The following RPA3 variants were observed in gnomAD, a reference collection of about 807,000 sequenced individuals.
RPA3 encodes the protein replication protein A3, also known as replication protein A 14 kDa subunit.
In RPA3, 24 loss-of-function variants were observed where a neutral mutation model predicts 13.7. The ratio of observed to expected loss-of-function variants is 1.75; its 90% confidence interval spans 1.27 to 2.46. The LOEUF (loss-of-function observed/expected upper bound fraction) is 2.46. Among genes scored for constraint, RPA3 ranks in the 30% most tolerant of loss-of-function variants. RPA3 has a pLI of 0.00. For missense variants in RPA3, 183 were observed against 151.0 expected (o/e 1.21, Z -1.11); for synonymous variants, 59 against 51.2 (o/e 1.15, Z -0.65).
Position 7,671,963 on chromosome 7 carries a change from A to G in RPA3, c.-758+13867T>C, listed in dbSNP as rs539806654. On this transcript the variant is annotated intron_variant, in intron 4 of 7. Transcript: ENST00000223129. ...TTTTTAAAAGTGAAATCTGCCAGATATGTTTTCTAGCAACCAATAGATTCC... is the reference window on the plus strand; with the variant it reads ...TTTTTAAAAGTGAAATCTGCCAGATGTGTTTTCTAGCAACCAATAGATTCC... 4.6e-5 allele frequency among the ~76,000 whole-genome samples: 7 copies of G among 152,228 alleles called. No homozygotes were observed. The East Asian group carries it at 1.3e-3, about 29-fold the overall frequency.
chr7:7,666,415 C>G (rs147910210), intron 4 of RPA3, among the ~76,000 whole-genome samples: 135 of 152,144 alleles, frequency 8.9e-4, no homozygotes, highest in African/African-American at 3.1e-3. Context: ...GCCACGTTGC[C>G]CAGGCTGGTC....
intron 4 of RPA3, among the ~76,000 whole-genome samples, chr7:7,645,554 AAGG>A (rs1785074138): frequency 6.6e-6 from 1 of 152,198 alleles, no homozygotes; most frequent in African/African-American, 2.4e-5. Context: ...AGCTTCCTTT[AAGG>A]AGTATTCCCC....
At chr7:7,692,896 C>T (rs569040690) in intron 2 of RPA3, among the ~76,000 whole-genome samples, 2 of 152,202 alleles carry the variant, frequency 1.3e-5, no homozygotes, top group South Asian at 2.1e-4. Flanking sequence ...CATGAGCCAC[C>T]GTGCCTGGCC....
chr7:7,655,162 A>G (rs1368550842), intron 4 of RPA3, among the ~76,000 whole-genome samples: 3 of 152,144 alleles, frequency 2.0e-5, no homozygotes, highest in Non-Finnish European at 4.4e-5. Flanking sequence ...TGAGATTATC[A>G]AATGATGCCT....
At chr7:7,654,648 A>G (rs903652066) in intron 4 of RPA3, among the ~76,000 whole-genome samples, 6 of 152,138 alleles carry the variant, frequency 3.9e-5, no homozygotes, top group African/African-American at 1.2e-4. Flanking sequence ...CATGCTTGTA[A>G]TCCCAGCACT....
intron 4 of RPA3, among the ~76,000 whole-genome samples, chr7:7,653,621 C>T (rs1785276218): frequency 6.6e-6 from 1 of 152,188 alleles, no homozygotes; most frequent in South Asian, 2.1e-4. Context: ...TGTCATTGTT[C>T]ACACTGAAGA....
intron 4 of RPA3, among the ~76,000 whole-genome samples, chr7:7,644,875 A>G (rs1366457137): frequency 6.6e-6 from 1 of 152,206 alleles, no homozygotes; most frequent in African/African-American, 2.4e-5. Flanking sequence ...ATTTTGATCA[A>G]AATTGCACTG....
At chr7:7,643,258 A>G (rs1250816068) in intron 4 of RPA3, among the ~76,000 whole-genome samples, 5 of 152,220 alleles carry the variant, frequency 3.3e-5, no homozygotes, top group South Asian at 4.1e-4. Context: ...ATGGTAAAGT[A>G]TGATCTTCCA....
chr7:7,666,651 G>A lies in RPA3; in HGVS notation c.-758+19179C>T, dbSNP rs546151220. On this transcript the variant is annotated intron_variant, in intron 4 of 7. Transcript: ENST00000223129. Reference sequence around the variant, plus strand: ...CTGTTCATGTATCTTGCTAGGTGAAGTGGCTGTTCATATTTTTTGCCCGGT... The same window carrying A: ...CTGTTCATGTATCTTGCTAGGTGAAATGGCTGTTCATATTTTTTGCCCGGT... Among the ~76,000 whole-genome samples, 10 of 152,198 alleles carry A rather than the reference G, an allele frequency of 6.6e-5. 1 individual carries two copies. Among genetic ancestry groups the A allele is most frequent in the African/African-American group, 2.4e-4 (10 of 41,506 alleles).
chr7:7,680,728 T>TA (rs1583728759), intron 4 of RPA3, among the ~76,000 whole-genome samples: 1 of 152,250 alleles, frequency 6.6e-6, no homozygotes, highest in East Asian at 1.9e-4. Flanking sequence ...CTTTCATCAG[T>TA]ATTTTATAAT....
At chr7:7,693,937 C>T (rs1268861118) in intron 2 of RPA3, among the ~76,000 whole-genome samples, 4 of 152,068 alleles carry the variant, frequency 2.6e-5, no homozygotes, top group Non-Finnish European at 5.9e-5. Flanking sequence ...GAAGAGCTTT[C>T]CCTCTGAGGA....
intron 2 of RPA3, among the ~76,000 whole-genome samples, chr7:7,713,278 A>G (rs1449821951): frequency 2.0e-5 from 3 of 152,058 alleles, no homozygotes; most frequent in Admixed American, 2.0e-4. Flanking sequence ...CAGGAGGCGG[A>G]GGTTGTGGTG....
In RPA3 at chr7:7,661,009, G is replaced by GT. The variant is rs140344078; in HGVS notation, c.-757-19835dup. Among the ~76,000 whole-genome samples, 36 of 150,678 alleles carry GT rather than the reference G, an allele frequency of 2.4e-4. No homozygotes were observed. The East Asian group carries it at 2.7e-3, about 11-fold the overall frequency. ...GAGGCTTTGTTCATTCCTTTTGATT[G>GT]TTTTTTTTTTGTTTTGTTTTCTAAT... is the stretch of plus-strand genomic sequence containing the variant. On this transcript the variant is annotated intron_variant, in intron 4 of 7. Transcript: ENST00000223129.
At chr7:7,712,770 A>C (rs1780799516) in intron 2 of RPA3, among the ~76,000 whole-genome samples, 1 of 152,170 alleles carries the variant, frequency 6.6e-6, no homozygotes. Flanking sequence ...GAATGCTTAT[A>C]ATGTTTGCAA....
intron 4 of RPA3, among the ~76,000 whole-genome samples, chr7:7,682,322 C>G (rs1201715840): frequency 6.6e-6 from 1 of 151,814 alleles, no homozygotes; most frequent in Non-Finnish European, 1.5e-5. Context: ...GTTTTCCAGT[C>G]TCAATGATCA....
chr7:7,656,916 T>C (rs1283761698), intron 4 of RPA3, among the ~76,000 whole-genome samples: 1 of 152,252 alleles, frequency 6.6e-6, no homozygotes, highest in Non-Finnish European at 1.5e-5. Context: ...GTTGAACTAA[T>C]TTACACTTCC....
At chr7:7,671,367 T>A (rs2115105040) in intron 4 of RPA3, among the ~76,000 whole-genome samples, 1 of 152,330 alleles carries the variant, frequency 6.6e-6, no homozygotes, top group South Asian at 2.1e-4. Flanking sequence ...ACCCTTAGTC[T>A]CTTTTTTCTG....
At chr7:7,678,105 C>A (rs551825750) in intron 4 of RPA3, among the ~76,000 whole-genome samples, 2 of 150,494 alleles carry the variant, frequency 1.3e-5, no homozygotes, top group South Asian at 4.2e-4. Flanking sequence ...ATGTACCCAG[C>A]AATAGAATTG....
chr7:7,697,502 T>C (rs1181794415), intron 2 of RPA3, among the ~76,000 whole-genome samples: 1 of 152,356 alleles, frequency 6.6e-6, no homozygotes, highest in East Asian at 1.9e-4. Flanking sequence ...CATTTTGAAA[T>C]ATGATTGTGG....
Sources: allele counts gnomAD v4.1 joint callset (sites outside exome capture counted in the v4.1 genomes callset), GRCh38; gene constraint gnomAD v4.1.1; transcripts MANE v1.5; gene names NCBI Gene and HGNC (gene_info 2026-07-23, HGNC 2026-07-21).